Variants in SMAP1 observed in about 807,000 individuals in gnomAD.
The protein encoded by SMAP1 is small ArfGAP 1, also known as stromal membrane-associated protein 1.
SMAP1 carries 24 observed loss-of-function variants against 58.5 expected under a neutral mutation model. The ratio of observed to expected loss-of-function variants is 0.41; its 90% CI spans 0.30 to 0.58. The LOEUF is 0.58. SMAP1 is among the 20% of genes least tolerant of loss of function. SMAP1 has a pLI of 0.29. For missense variants in SMAP1, 563 were observed against 566.3 expected, an observed-to-expected ratio of 0.99 and a Z score of 0.06; for synonymous variants, 216 against 196.6, an observed-to-expected ratio of 1.10 and a Z score of -0.82.
chr6:70,749,606 A>C (rs1430988326), intron 2 of SMAP1, among the ~76,000 whole-genome samples: 2 of 152,088 alleles, frequency 1.3e-5, no homozygotes, highest in Admixed American at 6.5e-5. Context: ...TTTAAAAAAA[A>C]AACAACAACC....
chr6:70,807,464 A>C (rs905252492), intron 6 of SMAP1, among the ~76,000 whole-genome samples: 2 of 152,176 alleles, frequency 1.3e-5, no homozygotes, highest in African/African-American at 4.8e-5. Flanking sequence ...TCTGTCATTC[A>C]CTGGACATTT....
At chr6:70,814,920 A>G (rs1029884100) in intron 6 of SMAP1, among the ~76,000 whole-genome samples, 2 of 152,144 alleles carry the variant, frequency 1.3e-5, no homozygotes, top group African/African-American at 2.4e-5. Flanking sequence ...ATGTTTACCT[A>G]TCATCTAGGG....
At chr6:70,806,504 G>C (rs971744999) in intron 6 of SMAP1, among the ~76,000 whole-genome samples, 4 of 152,144 alleles carry the variant, frequency 2.6e-5, no homozygotes, top group South Asian at 2.1e-4. Context: ...CCCTCCGTGG[G>C]CTGCACCCAC....
At chr6:70,821,018 T>G (rs1769865528) in intron 6 of SMAP1, among the ~76,000 whole-genome samples, 2 of 152,190 alleles carry the variant, frequency 1.3e-5, no homozygotes, top group South Asian at 4.2e-4. Context: ...ATCCTTTTCC[T>G]TAGTAGATAT....
intron 6 of SMAP1, among the ~76,000 whole-genome samples, chr6:70,822,174 A>G (rs1345972604): frequency 6.6e-6 from 1 of 152,188 alleles, no homozygotes; most frequent in Non-Finnish European, 1.5e-5. Flanking sequence ...TAAAGCTTAT[A>G]CTTAAGAATG....
intron 6 of SMAP1, among the ~76,000 whole-genome samples, chr6:70,819,492 C>T (rs1040494755): frequency 2.0e-5 from 3 of 151,976 alleles, no homozygotes; most frequent in African/African-American, 4.8e-5. Context: ...AAACCTGAAA[C>T]GTGGAATTAA....
intron 1 of SMAP1, among the ~76,000 whole-genome samples, chr6:70,710,310 G>A (rs549228393): frequency 6.6e-6 from 1 of 152,024 alleles, no homozygotes; most frequent in African/African-American, 2.4e-5. Context: ...GGCCAACATG[G>A]TGAAACCCCA....
intron 3 of SMAP1, among the ~76,000 whole-genome samples, chr6:70,768,752 C>T (rs959685197): frequency 4.5e-4 from 68 of 152,292 alleles, no homozygotes; most frequent in African/African-American, 1.6e-3. Context: ...CTATTTCCTT[C>T]AGTTCTGCTC....
intron 1 of SMAP1, among the ~76,000 whole-genome samples, chr6:70,723,344 T>A (rs1768613433): frequency 6.6e-6 from 1 of 152,218 alleles, no homozygotes; most frequent in South Asian, 2.1e-4. Flanking sequence ...AATCCCTCAA[T>A]GTATACCTTA....
chr6:70,668,692 A>T, intron 1 of SMAP1: 1 of 1,536,062 alleles, frequency 6.5e-7, no homozygotes, highest in South Asian at 1.2e-5. Context: ...CTGCTTCCTG[A>T]AAAAGAGTAT....
At chr6:70,725,745 C>T (rs145839492) in intron 1 of SMAP1, among the ~76,000 whole-genome samples, 1 of 152,320 alleles carries the variant, frequency 6.6e-6, no homozygotes, top group Non-Finnish European at 1.5e-5. Context: ...CTACCCTTTG[C>T]AGTTTCCCTC....
intron 2 of SMAP1, among the ~76,000 whole-genome samples, chr6:70,737,668 C>T (rs1765668408): frequency 6.6e-6 from 1 of 152,168 alleles, no homozygotes; most frequent in Non-Finnish European, 1.5e-5. Flanking sequence ...GCTGTGGTGG[C>T]TTCCACTATG....
intron 5 of SMAP1, among the ~76,000 whole-genome samples, chr6:70,797,305 T>G (rs917788542): frequency 3.9e-5 from 6 of 152,142 alleles, no homozygotes; most frequent in Non-Finnish European, 8.8e-5. Context: ...TTAGTGCCTT[T>G]TTCTTTTTAG....
At chr6:70,703,084 A>C (rs1444077563) in intron 1 of SMAP1, among the ~76,000 whole-genome samples, 1 of 146,762 alleles carries the variant, frequency 6.8e-6, no homozygotes, top group Non-Finnish European at 1.5e-5. Flanking sequence ...TTTTTTCACG[A>C]CTTTTTTTTT....
intron 6 of SMAP1, among the ~76,000 whole-genome samples, chr6:70,833,825 G>T (rs1770460466): frequency 6.6e-6 from 1 of 152,120 alleles, no homozygotes; most frequent in Non-Finnish European, 1.5e-5. Context: ...CCATAAAATA[G>T]ATTTCAAAAA....
intron 6 of SMAP1, among the ~76,000 whole-genome samples, chr6:70,822,120 C>A (rs188554724): frequency 6.6e-6 from 1 of 152,082 alleles, no homozygotes; most frequent in South Asian, 2.1e-4. Context: ...TAGGAAAATA[C>A]TTCCTGAATA....
intron 1 of SMAP1, among the ~76,000 whole-genome samples, chr6:70,730,889 T>A (rs1397512813): frequency 6.6e-6 from 1 of 152,230 alleles, no homozygotes; most frequent in Admixed American, 6.5e-5. Flanking sequence ...AATCTCTGCC[T>A]CTGAGGTTCA....
At chr6:70,729,369 G>GT (rs1336319378) in intron 1 of SMAP1, among the ~76,000 whole-genome samples, 1 of 151,552 alleles carries the variant, frequency 6.6e-6, no homozygotes, top group Non-Finnish European at 1.5e-5. Flanking sequence ...AACCTGGGAG[G>GT]TGGAGCTTGC....
At chr6:70,739,809 C>T (rs1022501264) in intron 2 of SMAP1, among the ~76,000 whole-genome samples, 1 of 151,848 alleles carries the variant, frequency 6.6e-6, no homozygotes, top group African/African-American at 2.4e-5. Flanking sequence ...GTCTGCCTTT[C>T]CATTTTTCTT....
Sources: gnomAD v4.1 joint callset for allele counts (sites outside exome capture counted in the v4.1 genomes callset) on GRCh38, gnomAD v4.1.1 for gene constraint, MANE v1.5 for transcripts, NCBI Gene and HGNC (gene_info 2026-07-23, HGNC 2026-07-21) for gene names.